The following B3GALT1 variants were observed in gnomAD, a reference collection of about 807,000 sequenced individuals.
The protein encoded by B3GALT1 is beta-1,3-galactosyltransferase 1, also known as UDP-Gal:betaGlcNAc beta 1,3-galactosyltransferase, polypeptide 1.
B3GALT1 carries 10 observed loss-of-function variants against 23.2 expected under a neutral mutation model. The ratio of observed to expected loss-of-function variants is 0.43; its 90% CI spans 0.27 to 0.73. The LOEUF (loss-of-function observed/expected upper bound fraction) is 0.73, where lower values mean the gene tolerates loss of function less well. Among genes scored for constraint, B3GALT1 ranks in the 30% least tolerant of loss-of-function variants. The probability of loss-of-function intolerance (pLI) is 0.21; values close to 1 mark genes in which losing one functional copy is unlikely to be tolerated. For missense variants in B3GALT1, 299 were observed against 405.4 expected, an observed-to-expected ratio of 0.74 and a Z score of 2.25; for synonymous variants, 156 against 141.5, an observed-to-expected ratio of 1.10 and a Z score of -0.73.
intron 2 of B3GALT1, among the ~76,000 whole-genome samples, chr2:167,493,049 C>T (rs1391518676): frequency 6.6e-6 from 1 of 152,058 alleles, no homozygotes; most frequent in Non-Finnish European, 1.5e-5. Flanking sequence ...TTAAAATAGG[C>T]CATGTTTGAT....
rs75097873 is a variant in B3GALT1, at chr2:167,360,344, A to G, written c.-511+67010A>G. Among the ~76,000 whole-genome samples, 1,199 of 152,274 alleles carry G rather than the reference A, an allele frequency of 7.9e-3. 8 individuals carry two copies. The highest frequency in any genetic ancestry group is 0.013 in the Non-Finnish European group (879 of 68,020). ...TTTTAAACATTGTTTCCAATTAATG[A>G]TGTGAGCAGAGAACATCATTCTTGA... On this transcript the variant is annotated intron_variant, in intron 1 of 4. Transcript: ENST00000392690.
At chr2:167,867,710 T>C (rs904740215) in intron 4 of B3GALT1, among the ~76,000 whole-genome samples, 4 of 152,248 alleles carry the variant, frequency 2.6e-5, no homozygotes, top group Non-Finnish European at 5.9e-5. Flanking sequence ...TTAAAATTGA[T>C]ACCTATTCTC....
At chr2:167,380,988 C>T (rs1353847456) in intron 1 of B3GALT1, among the ~76,000 whole-genome samples, 2 of 152,076 alleles carry the variant, frequency 1.3e-5, no homozygotes, top group Non-Finnish European at 2.9e-5. Context: ...TTGCTGTTTC[C>T]AAGTGGTTGA....
At chr2:167,795,347 C>G (rs1206026981) in intron 3 of B3GALT1, among the ~76,000 whole-genome samples, 2 of 152,022 alleles carry the variant, frequency 1.3e-5, no homozygotes, top group African/African-American at 4.8e-5. Context: ...ACCAATGGTC[C>G]CTTTTGAAAA....
chr2:167,505,432 C>G (rs1699904467), intron 2 of B3GALT1, among the ~76,000 whole-genome samples: 1 of 152,138 alleles, frequency 6.6e-6, no homozygotes, highest in South Asian at 2.1e-4. Context: ...AAAACATCTT[C>G]AAAGCGCCTC....
intron 1 of B3GALT1, among the ~76,000 whole-genome samples, chr2:167,320,632 C>T (rs1574031321): frequency 6.6e-6 from 1 of 151,942 alleles, no homozygotes; most frequent in Admixed American, 6.6e-5. Context: ...GTGCCCTCAC[C>T]CCAGTTCATA....
At chr2:167,600,685 G>A (rs1028030662) in intron 2 of B3GALT1, among the ~76,000 whole-genome samples, 18 of 152,162 alleles carry the variant, frequency 1.2e-4, no homozygotes, top group African/African-American at 3.6e-4. Flanking sequence ...ATGTTTTCAA[G>A]GTTCATCCAG....
intron 2 of B3GALT1, among the ~76,000 whole-genome samples, chr2:167,629,238 T>A (rs972057277): frequency 6.6e-6 from 1 of 151,650 alleles, no homozygotes; most frequent in African/African-American, 2.4e-5. Context: ...ATAGGTACAT[T>A]TTAAGAGAGG....
intron 2 of B3GALT1, among the ~76,000 whole-genome samples, chr2:167,524,728 T>G (rs1319392857): frequency 6.6e-6 from 1 of 152,168 alleles, no homozygotes; most frequent in East Asian, 1.9e-4. Context: ...GACAAACACC[T>G]TTAACTAATT....
chr2:167,588,278 T>C (rs1316147651), intron 2 of B3GALT1, among the ~76,000 whole-genome samples: 1 of 152,192 alleles, frequency 6.6e-6, no homozygotes, highest in Non-Finnish European at 1.5e-5. Context: ...GATAACATTG[T>C]GGTATATATT....
At chr2:167,356,312 C>A (rs904909484) in intron 1 of B3GALT1, among the ~76,000 whole-genome samples, 2 of 151,978 alleles carry the variant, frequency 1.3e-5, no homozygotes, top group East Asian at 3.8e-4. Context: ...ATATATATGC[C>A]CTTGGCCATA....
chr2:167,466,065 A>G (rs1699339539), intron 1 of B3GALT1, among the ~76,000 whole-genome samples: 1 of 152,186 alleles, frequency 6.6e-6, no homozygotes, highest in African/African-American at 2.4e-5. Context: ...TCCCAACTTC[A>G]GAAGGCTCAC....
intron 3 of B3GALT1, among the ~76,000 whole-genome samples, chr2:167,667,909 C>A (rs1222276802): frequency 2.6e-5 from 4 of 152,156 alleles, no homozygotes; most frequent in African/African-American, 9.7e-5. Flanking sequence ...TCCCATAGCT[C>A]AGAGTAATTT....
intron 4 of B3GALT1, among the ~76,000 whole-genome samples, chr2:167,845,776 T>G (rs1455875059): frequency 6.7e-6 from 1 of 149,238 alleles, no homozygotes; most frequent in Non-Finnish European, 1.5e-5. Context: ...AAATCCCTGA[T>G]TTACCTGAAA....
At chr2:167,605,331 G>T (rs1037319250) in intron 2 of B3GALT1, among the ~76,000 whole-genome samples, 1 of 152,198 alleles carries the variant, frequency 6.6e-6, no homozygotes, top group Non-Finnish European at 1.5e-5. Flanking sequence ...TGAGTATGTG[G>T]ATTATGTAGG....
Position 167,312,239 on chromosome 2 carries a change from G to A in B3GALT1, c.-511+18905G>A, listed in dbSNP as rs80060131. Among the ~76,000 whole-genome samples, 807 of 152,088 alleles carry A rather than the reference G, an allele frequency of 5.3e-3. 5 individuals are homozygous for A. The highest frequency in any genetic ancestry group is 0.017 in the Middle Eastern group (5 of 294). On this transcript the variant is annotated intron_variant, in intron 1 of 4. Transcript: ENST00000392690. ...GTAAAGAGCAAAGAAGGTGGTAAATGTATGGAGAAATCTAAATGAAATTTG... is the reference window on the plus strand; with the variant it reads ...GTAAAGAGCAAAGAAGGTGGTAAATATATGGAGAAATCTAAATGAAATTTG...
intron 1 of B3GALT1, among the ~76,000 whole-genome samples, chr2:167,320,946 AAAAT>A (rs1189863152): frequency 1.3e-5 from 2 of 152,114 alleles, no homozygotes; most frequent in African/African-American, 2.4e-5. Context: ...CATGAAAAAA[AAAAT>A]AAAGTCACAT....
intron 1 of B3GALT1, among the ~76,000 whole-genome samples, chr2:167,446,171 T>G (rs1185421223): frequency 6.6e-6 from 1 of 152,228 alleles, no homozygotes; most frequent in South Asian, 2.1e-4. Context: ...TTCTTTTCTT[T>G]AAGAATGTTG....
chr2:167,469,982 A>G (rs1332911950), intron 1 of B3GALT1, among the ~76,000 whole-genome samples: 1 of 152,190 alleles, frequency 6.6e-6, no homozygotes, highest in East Asian at 1.9e-4. Context: ...GATTCTCAAG[A>G]ATGGAATCGT....
Sources: allele counts gnomAD v4.1 joint callset (sites outside exome capture counted in the v4.1 genomes callset), GRCh38; gene constraint gnomAD v4.1.1; transcripts MANE v1.5; gene names NCBI Gene and HGNC (gene_info 2026-07-23, HGNC 2026-07-21).